Variants in STK32B observed in about 807,000 individuals in gnomAD.
The protein encoded by STK32B is serine/threonine-protein kinase 32B.
A neutral mutation model predicts 52.6 loss-of-function variants in STK32B; 43 were observed. The observed-to-expected ratio is 0.82, with a 90% confidence interval of 0.64 to 1.05. The LOEUF (loss-of-function observed/expected upper bound fraction) is 1.05, where lower values mean the gene tolerates loss of function less well. Ranked by LOEUF, STK32B falls within the 50% of genes least tolerant of loss-of-function variation. STK32B has a pLI of 0.00. For synonymous variants in STK32B, 238 were observed against 204.3 expected (o/e 1.17, Z -1.41); for missense variants, 621 against 534.6 (o/e 1.16, Z -1.59).
intron 1 of STK32B, among the ~76,000 whole-genome samples, chr4:5,065,613 G>C (rs766626806): frequency 2.0e-5 from 3 of 152,118 alleles, no homozygotes; most frequent in Non-Finnish European, 4.4e-5. Flanking sequence ...CACGAGGCCA[G>C]CTGGAAAAGG....
At chr4:5,179,209 T>G (rs1158621066) in intron 3 of STK32B, among the ~76,000 whole-genome samples, 2 of 152,200 alleles carry the variant, frequency 1.3e-5, no homozygotes, top group Non-Finnish European at 2.9e-5. Context: ...TGCCAGATGC[T>G]TATAAAACCA....
At chr4:5,026,425 C>A in the STK32B span, among the ~76,000 whole-genome samples, 1 of 152,094 alleles carries the variant, frequency 6.6e-6, no homozygotes, top group Non-Finnish European at 1.5e-5. Context: ...CTTACAATCA[C>A]GGCAGAAGGC....
At chr4:5,343,274 T>A (rs1733219910) in intron 4 of STK32B, among the ~76,000 whole-genome samples, 1 of 152,078 alleles carries the variant, frequency 6.6e-6, no homozygotes, top group East Asian at 1.9e-4. Flanking sequence ...ACAAAGGACA[T>A]GACCTCATCA....
At chr4:5,199,594 C>A (rs936929376) in intron 3 of STK32B, among the ~76,000 whole-genome samples, 1 of 151,680 alleles carries the variant, frequency 6.6e-6, no homozygotes, top group Admixed American at 6.6e-5. Context: ...TTTCTTTTCA[C>A]TTCTCTTTGG....
chr4:5,143,506 G>A (rs1433180673), intron 2 of STK32B, among the ~76,000 whole-genome samples: 1 of 152,150 alleles, frequency 6.6e-6, no homozygotes, highest in African/African-American at 2.4e-5. Context: ...AAGGGAGGAT[G>A]TTCAGTTCTC....
intron 6 of STK32B, among the ~76,000 whole-genome samples, chr4:5,421,409 G>T (rs1049735540): frequency 4.6e-5 from 7 of 151,858 alleles, no homozygotes. Context: ...ATTTTTAGTA[G>T]AGACAAGGTT....
intron 3 of STK32B, among the ~76,000 whole-genome samples, chr4:5,330,412 A>G (rs1416965453): frequency 6.6e-6 from 1 of 152,210 alleles, no homozygotes; most frequent in Non-Finnish European, 1.5e-5. Flanking sequence ...TGAATTTGGT[A>G]CTGTATCAAT....
In STK32B at chr4:5,467,073, G is replaced by C. The variant is rs1260520498; in HGVS notation, c.1041+239G>C. Among the ~76,000 whole-genome samples the C allele has an allele frequency of 6.6e-6, 1 of 152,138 alleles. No homozygotes were observed. The highest frequency in any genetic ancestry group is 1.9e-4 in the East Asian group (1 of 5,174). On this transcript the variant is annotated intron_variant, in intron 10 of 11. Coordinates refer to ENST00000282908, the MANE Select transcript of STK32B (RefSeq NM_018401.3). The surrounding 1 kb of genome is among the most constrained non-coding windows in gnomAD (Gnocchi z 5.8). ...AGCAGGAAGCTTGTGTAGCTCTAAG[G>C]CAGGGGGAGGGACCCAGCGGTCCCA...
intron 1 of STK32B, among the ~76,000 whole-genome samples, chr4:5,068,698 T>C (rs1711568864): frequency 6.6e-6 from 1 of 152,208 alleles, no homozygotes; most frequent in Non-Finnish European, 1.5e-5. Context: ...TATTGTTTAA[T>C]ACTTTTCTCT....
intron 9 of STK32B, among the ~76,000 whole-genome samples, chr4:5,463,520 C>T: frequency 6.6e-6 from 1 of 152,012 alleles, no homozygotes; most frequent in East Asian, 1.9e-4. Flanking sequence ...ACTCATTCCC[C>T]CACACACATA....
Position 5,052,336 on chromosome 4 carries a change from G to T in STK32B, c.52+421G>T, listed in dbSNP as rs540939069. Among the ~76,000 whole-genome samples the T allele has an allele frequency of 1.1e-4, 16 of 152,256 alleles. No homozygotes were observed. In the South Asian group the frequency reaches 2.7e-3, roughly 26 times the overall value. On this transcript the variant is annotated intron_variant, in intron 1 of 11. Coordinates refer to ENST00000282908, the MANE Select transcript of STK32B (RefSeq NM_018401.3). ...GGTTGCACCGTGTGTCTGTGTGTGT[G>T]TGCGCGTGCCCACGACGCATTTGGT...
At chr4:5,462,642 G>A (rs958876660) in intron 9 of STK32B, among the ~76,000 whole-genome samples, 3 of 152,194 alleles carry the variant, frequency 2.0e-5, no homozygotes, top group Non-Finnish European at 4.4e-5. Context: ...CCCCAGGGCT[G>A]CCAGGGAGCT....
chr4:5,102,436 GCTTCCTTCCTTCCTTCCTTCCTTC>G (rs201942952), intron 1 of STK32B, among the ~76,000 whole-genome samples: 28 of 105,252 alleles, frequency 2.7e-4, no homozygotes, highest in South Asian at 1.2e-3. Context: ...CTCCTTCCTT[GCTTCCTTCCTTCCTTCCTTCCTTC>G]CTTCCTTCCT....
At chr4:5,138,775 G>A (rs906865508) in intron 1 of STK32B, among the ~76,000 whole-genome samples, 1 of 152,236 alleles carries the variant, frequency 6.6e-6, no homozygotes, top group African/African-American at 2.4e-5. Flanking sequence ...TCTGGAGGGT[G>A]AGGGAAGCCT....
intron 3 of STK32B, among the ~76,000 whole-genome samples, chr4:5,190,715 G>A (rs1441603420): frequency 2.0e-5 from 3 of 152,272 alleles, no homozygotes; most frequent in South Asian, 4.2e-4. Context: ...CACAGGAAAC[G>A]CTGAGACTGT....
chr4:5,089,033 T>C (rs1429589157), intron 1 of STK32B, among the ~76,000 whole-genome samples: 1 of 151,924 alleles, frequency 6.6e-6, no homozygotes, highest in Non-Finnish European at 1.5e-5. Flanking sequence ...GTCTACAAAA[T>C]TGTCAAGCCT....
At chr4:5,161,322 C>CA (rs1718427680) in intron 2 of STK32B, among the ~76,000 whole-genome samples, 1 of 152,102 alleles carries the variant, frequency 6.6e-6, no homozygotes, top group Non-Finnish European at 1.5e-5. Context: ...CAGCAAGGGA[C>CA]AAAAAACCTG....
intron 3 of STK32B, among the ~76,000 whole-genome samples, chr4:5,316,044 C>T (rs950196688): frequency 1.4e-5 from 2 of 138,900 alleles, no homozygotes; most frequent in Admixed American, 7.5e-5. Flanking sequence ...ATTAATAAGG[C>T]AAAATGTAAT....
intron 5 of STK32B, among the ~76,000 whole-genome samples, chr4:5,414,269 AAAAT>A (rs1711962322): frequency 6.6e-6 from 1 of 151,580 alleles, no homozygotes; most frequent in African/African-American, 2.4e-5. Flanking sequence ...ATAATAATAT[AAAAT>A]AACGTGTTTA....
Sources: gnomAD v4.1 joint callset for allele counts (sites outside exome capture counted in the v4.1 genomes callset) on GRCh38, gnomAD v4.1.1 for gene constraint, Gnocchi (gnomAD v3.1) non-coding constraint, MANE v1.5 for transcripts, NCBI Gene and HGNC (gene_info 2026-07-23, HGNC 2026-07-21) for gene names.